LRRC37A2: variants seen among roughly 807,000 people sequenced by gnomAD.
The protein encoded by LRRC37A2 is leucine-rich repeat-containing protein 37A2.
LRRC37A2 carries 9 observed loss-of-function variants against 68.8 expected under a neutral mutation model. The observed-to-expected ratio is 0.13, with a 90% confidence interval of 0.08 to 0.23. The LOEUF (loss-of-function observed/expected upper bound fraction) is 0.23, where lower values mean the gene tolerates loss of function less well. Ranked by LOEUF, LRRC37A2 falls within the 10% of genes least tolerant of loss-of-function variation. The pLI is 1.00. For synonymous variants in LRRC37A2, 63 were observed against 367.6 expected (o/e 0.17, Z 9.48); for missense variants, 168 against 950.4 (o/e 0.18, Z 10.82).
At chr17:46,770,145 C>T in the LRRC37A2 span, 1 of 1,434,042 alleles carries the variant, frequency 7.0e-7, no homozygotes, top group Non-Finnish European at 9.2e-7. Flanking sequence ...GGAACGAGGC[C>T]AGGAAGAGTT....
the LRRC37A2 span, among the ~76,000 whole-genome samples, chr17:46,894,631 G>C: frequency 3.8e-4 from 58 of 152,212 alleles, no homozygotes; most frequent in Non-Finnish European, 2.9e-5. Flanking sequence ...AGAGGGCTTG[G>C]CTGACAGATC....
the LRRC37A2 span, among the ~76,000 whole-genome samples, chr17:46,403,826 G>A: frequency 1.5e-4 from 10 of 66,516 alleles, 1 homozygote; most frequent in Admixed American, 1.0e-3. Context: ...AGCCTCCCAA[G>A]TAGCTGGGAC....
chr17:46,966,569 G>A, the LRRC37A2 span: 44 of 694,922 alleles, frequency 6.3e-5, 1 homozygote, highest in East Asian at 8.2e-4. Flanking sequence ...GAATGGACCC[G>A]AACTCCTGAG....
the LRRC37A2 span, among the ~76,000 whole-genome samples, chr17:46,834,094 CTG>C: frequency 6.6e-6 from 1 of 152,054 alleles, no homozygotes; most frequent in Non-Finnish European, 1.5e-5. Context: ...ACTCGGGAGG[CTG>C]AGGGGAGAGG....
At chr17:46,542,539 A>G (rs970850476) in intron 8 of LRRC37A2, among the ~76,000 whole-genome samples, 1 of 148,014 alleles carries the variant, frequency 6.8e-6, no homozygotes, top group African/African-American at 2.6e-5. Flanking sequence ...ATAGATATAT[A>G]TATAAATCAG....
At chr17:46,909,541 T>C in the LRRC37A2 span, among the ~76,000 whole-genome samples, 1 of 152,226 alleles carries the variant, frequency 6.6e-6, no homozygotes, top group Non-Finnish European at 1.5e-5. Context: ...AGTGTATGCT[T>C]TACAGTGACA....
the LRRC37A2 span, among the ~76,000 whole-genome samples, chr17:46,860,231 G>A: frequency 6.6e-6 from 1 of 152,148 alleles, no homozygotes; most frequent in South Asian, 2.1e-4. Flanking sequence ...GGCTGAGGAC[G>A]GGAAGGAGGA....
the LRRC37A2 span, among the ~76,000 whole-genome samples, chr17:46,902,126 G>A: frequency 6.6e-6 from 1 of 152,130 alleles, no homozygotes; most frequent in African/African-American, 2.4e-5. Flanking sequence ...TTTACCACTG[G>A]GATTCCTTCT....
At chr17:46,883,564 C>T in the LRRC37A2 span, among the ~76,000 whole-genome samples, 2 of 152,330 alleles carry the variant, frequency 1.3e-5, no homozygotes, top group African/African-American at 4.8e-5. Flanking sequence ...GGATTACAGG[C>T]GTGAGCCACT....
chr17:46,882,703 T>C, the LRRC37A2 span, among the ~76,000 whole-genome samples: 1 of 151,962 alleles, frequency 6.6e-6, no homozygotes, highest in Non-Finnish European at 1.5e-5. Context: ...TCACCTGGAG[T>C]TCCTTCTTGC....
chr17:47,043,208 T>C, the LRRC37A2 span, among the ~76,000 whole-genome samples: 9 of 152,028 alleles, frequency 5.9e-5, no homozygotes, highest in African/African-American at 1.9e-4. Flanking sequence ...AAAAAGAAAA[T>C]CGATTCCAGC....
chr17:46,940,663 C>G, the LRRC37A2 span: 8 of 1,613,182 alleles, frequency 5.0e-6, no homozygotes, highest in African/African-American at 1.3e-5. Context: ...ACCCATCATG[C>G]GTGGACTGAT....
chr17:46,818,525 T>C, the LRRC37A2 span: 12 of 1,606,890 alleles, frequency 7.5e-6, no homozygotes, highest in African/African-American at 8.0e-5. Flanking sequence ...TACCACCAAA[T>C]TGGGTAGCCA....
At chr17:47,003,330 T>C in the LRRC37A2 span, among the ~76,000 whole-genome samples, 1 of 151,048 alleles carries the variant, frequency 6.6e-6, no homozygotes, top group African/African-American at 2.4e-5. Context: ...CGGGCACTTA[T>C]ATACTATACA....
chr17:46,749,973 C>T, the LRRC37A2 span: 31 of 1,509,540 alleles, frequency 2.1e-5, no homozygotes, highest in Non-Finnish European at 2.7e-5. Context: ...ATAAGTAGTA[C>T]CACATTATAC....
chr17:46,847,375 A>G, the LRRC37A2 span, among the ~76,000 whole-genome samples: 3 of 152,236 alleles, frequency 2.0e-5, no homozygotes, highest in Non-Finnish European at 2.9e-5. Flanking sequence ...CCTCATCTGT[A>G]TAATGGGGAC....
chr17:46,955,328 TC>T, the LRRC37A2 span, among the ~76,000 whole-genome samples: 2 of 150,842 alleles, frequency 1.3e-5, no homozygotes, highest in Non-Finnish European at 2.9e-5. Flanking sequence ...TTATTGATTT[TC>T]GTATGTTGAA....
chr17:46,788,777 C>A, the LRRC37A2 span, among the ~76,000 whole-genome samples: 132,928 of 152,044 alleles, frequency 0.87, 60,940 homozygotes, highest in East Asian at 1. Flanking sequence ...GCCTCCTTTC[C>A]CTGCCCTCAG....
At chr17:46,383,266 CGAT>C in the LRRC37A2 span, among the ~76,000 whole-genome samples, 3 of 151,802 alleles carry the variant, frequency 2.0e-5, no homozygotes, top group Admixed American at 6.6e-5. Context: ...ATTCATATAA[CGAT>C]GAAATCACCT....
Sources: allele counts gnomAD v4.1 joint callset (sites outside exome capture counted in the v4.1 genomes callset), GRCh38; gene constraint gnomAD v4.1.1; transcripts MANE v1.5; gene names NCBI Gene and HGNC (gene_info 2026-07-23, HGNC 2026-07-21).